Variants in TTC29 observed in about 807,000 individuals in gnomAD.
TTC29 encodes the protein tetratricopeptide repeat protein 29.
TTC29 carries 49 observed loss-of-function variants against 58.1 expected under a neutral mutation model. That is an observed-to-expected ratio of 0.84 (90% confidence interval 0.67 to 1.07). TTC29 has a LOEUF of 1.07. TTC29 is among the 50% of genes least tolerant of loss of function. TTC29 has a pLI of 0.00. For synonymous variants in TTC29, 209 were observed against 196.8 expected (o/e 1.06, Z -0.52); for missense variants, 582 against 555.6 (o/e 1.05, Z -0.48).
At chr4:146,785,833 T>A (rs1346548836) in intron 11 of TTC29, among the ~76,000 whole-genome samples, 1 of 151,216 alleles carries the variant, frequency 6.6e-6, no homozygotes, top group East Asian at 1.9e-4. Flanking sequence ...TTTGATATTA[T>A]CTGCATTTTA....
Position 146,909,113 on chromosome 4 carries a change from A to C in TTC29, c.313T>G (p.Trp105Gly), listed in dbSNP as rs912418956. 1.2e-6 allele frequency: 2 copies of C among 1,613,668 alleles called. No homozygotes were observed. The highest frequency in any genetic ancestry group is 1.1e-5 in the South Asian group (1 of 90,892). ...TGCTCCTCCAGGGGCTTCTGCAGCC[A>C]GAAGAGGGACCTGACTCTCGCAGCC... ...REAARVRSLF[W>G]LQKPLEEQPD... Residue 105 changes from tryptophan (W) to glycine (G), a missense_variant, in exon 5 of 13, where the codon TGG (tryptophan) becomes GGG (glycine). Coordinates refer to ENST00000325106, the MANE Select transcript of TTC29 (RefSeq NM_031956.4).
At chr4:146,737,831 ATCTTTTTTT>A (rs1280771244) in intron 11 of TTC29, among the ~76,000 whole-genome samples, 1 of 152,174 alleles carries the variant, frequency 6.6e-6, no homozygotes, top group Admixed American at 6.5e-5. Context: ...CATCTAAAAA[ATCTTTTTTT>A]TCCCTCCCCC....
chr4:146,744,404 G>A (rs564537104), intron 11 of TTC29, among the ~76,000 whole-genome samples: 82 of 152,194 alleles, frequency 5.4e-4, no homozygotes, highest in African/African-American at 1.9e-3. Context: ...GATGAGGAAA[G>A]AAGGAGTGGG....
intron 10 of TTC29, among the ~76,000 whole-genome samples, chr4:146,804,907 A>G (rs188247051): frequency 1.3e-5 from 2 of 152,336 alleles, no homozygotes; most frequent in African/African-American, 4.8e-5. Flanking sequence ...TGCCTCCTCA[A>G]GTGGGTCCCT....
intron 11 of TTC29, among the ~76,000 whole-genome samples, chr4:146,786,219 C>G (rs941192286): frequency 6.6e-6 from 1 of 152,202 alleles, no homozygotes; most frequent in Non-Finnish European, 1.5e-5. Context: ...AGGGCACCAT[C>G]TTTAGAGGTC....
rs538188759 is a variant in TTC29 at position 146,898,863 on chromosome 4, C to T, written c.586+4681G>A. ...GACTGAAATGAAGGGTTAACTTGTC[C>T]AAGACTGACCTCTCCAGTCTAGCCC... On this transcript the variant is annotated intron_variant, in intron 6 of 12. Coordinates refer to ENST00000325106, the MANE Select transcript of TTC29 (RefSeq NM_031956.4). 2.0e-5 allele frequency among the ~76,000 whole-genome samples: 3 copies of T among 152,248 alleles called. No homozygotes were observed. In the South Asian group the frequency reaches 6.2e-4, roughly 32 times the overall value.
intron 11 of TTC29, among the ~76,000 whole-genome samples, chr4:146,801,852 G>A (rs1033116234): frequency 6.6e-6 from 1 of 151,330 alleles, no homozygotes; most frequent in African/African-American, 2.4e-5. Context: ...ATGGTTGGGT[G>A]CCTGTGGTCC....
chr4:146,770,844 G>C (rs1311527788), intron 11 of TTC29, among the ~76,000 whole-genome samples: 3 of 152,036 alleles, frequency 2.0e-5, no homozygotes, highest in Non-Finnish European at 2.9e-5. Flanking sequence ...GCAGTATTCA[G>C]AGGAAAGCAG....
chr4:146,943,045 T>A (rs1026540459), intron 2 of TTC29: 1 of 156,406 alleles, frequency 6.4e-6, no homozygotes, highest in Non-Finnish European at 1.4e-5. Flanking sequence ...ATAAAATTTA[T>A]CCTTTTTGAT....
intron 8 of TTC29, among the ~76,000 whole-genome samples, chr4:146,860,523 ATTC>A (rs1730158793): frequency 6.6e-6 from 1 of 152,098 alleles, no homozygotes. Flanking sequence ...TGAATCCTAT[ATTC>A]ACTGTTTCTT....
intron 10 of TTC29, among the ~76,000 whole-genome samples, chr4:146,819,672 G>A (rs1405496775): frequency 1.3e-5 from 2 of 152,122 alleles, no homozygotes; most frequent in East Asian, 1.9e-4. Flanking sequence ...ATTTTCTGCA[G>A]AATTATTTTT....
chr4:146,846,365 T>C (rs1424244782), intron 8 of TTC29, among the ~76,000 whole-genome samples: 3 of 152,146 alleles, frequency 2.0e-5, no homozygotes, highest in African/African-American at 7.2e-5. Context: ...TGTGGACCGG[T>C]GGGTCAGAGA....
At chr4:146,719,847 G>C (rs1158555839) in intron 11 of TTC29, among the ~76,000 whole-genome samples, 1 of 151,948 alleles carries the variant, frequency 6.6e-6, no homozygotes. Context: ...GAAAAAAAAA[G>C]CAATTTATTC....
At chr4:146,800,551 T>C (rs1462185221) in intron 11 of TTC29, among the ~76,000 whole-genome samples, 2 of 152,236 alleles carry the variant, frequency 1.3e-5, no homozygotes, top group Non-Finnish European at 2.9e-5. Flanking sequence ...TTTGTATTTT[T>C]TCATTTTGTT....
intron 11 of TTC29, among the ~76,000 whole-genome samples, chr4:146,796,312 T>A (rs951600266): frequency 1.3e-5 from 2 of 152,012 alleles, no homozygotes; most frequent in Admixed American, 6.5e-5. Flanking sequence ...CTTAAAAGCA[T>A]AAGAATTTTC....
chr4:146,826,540 C>T (rs1440192489), intron 9 of TTC29, among the ~76,000 whole-genome samples: 2 of 152,162 alleles, frequency 1.3e-5, no homozygotes, highest in African/African-American at 4.8e-5. Context: ...CCACCCTTAA[C>T]AGTTTTTCCT....
At chr4:146,709,618 G>A (rs945384489) in intron 11 of TTC29, among the ~76,000 whole-genome samples, 6 of 151,936 alleles carry the variant, frequency 3.9e-5, no homozygotes, top group Admixed American at 1.3e-4. Context: ...GAGATGCCTC[G>A]TCTTAAATTC....
chr4:146,917,578 C>T (rs1560717002), intron 4 of TTC29, among the ~76,000 whole-genome samples: 1 of 88,180 alleles, frequency 1.1e-5, no homozygotes, highest in Non-Finnish European at 2.6e-5. Flanking sequence ...TTATAAAATG[C>T]AATTAGATAT....
intron 11 of TTC29, among the ~76,000 whole-genome samples, chr4:146,725,098 T>C (rs1334064187): frequency 6.6e-6 from 1 of 152,214 alleles, no homozygotes; most frequent in Non-Finnish European, 1.5e-5. Context: ...TTAACTTCTT[T>C]GTTTCGATTG....
Sources: gnomAD v4.1 joint callset for allele counts (sites outside exome capture counted in the v4.1 genomes callset) on GRCh38, gnomAD v4.1.1 for gene constraint, MANE v1.5 for transcripts, NCBI Gene and HGNC (gene_info 2026-07-23, HGNC 2026-07-21) for gene names.